RIN2: variants seen among roughly 807,000 people sequenced by gnomAD.
RIN2 encodes the protein Ras and Rab interactor 2, also known as RAB5 interacting protein 2.
RIN2 carries 36 observed loss-of-function variants against 78.0 expected under a neutral mutation model. That is an observed-to-expected ratio of 0.46 (90% CI 0.35 to 0.61). The LOEUF (loss-of-function observed/expected upper bound fraction) is 0.61, where lower values mean the gene tolerates loss of function less well. Among genes scored for constraint, RIN2 ranks in the 20% least tolerant of loss-of-function variants. The probability of loss-of-function intolerance (pLI) is 0.00; values close to 1 mark genes in which losing one functional copy is unlikely to be tolerated. For synonymous variants in RIN2, 466 were observed against 466.8 expected (o/e 1.00, Z 0.02); for missense variants, 1,087 against 1,159.7 (o/e 0.94, Z 0.91).
At chr20:19,776,572 A>C (rs2034317189) in intron 1 of RIN2, among the ~76,000 whole-genome samples, 1 of 151,984 alleles carries the variant, frequency 6.6e-6, no homozygotes, top group Admixed American at 6.6e-5. Flanking sequence ...TCTCTACTAA[A>C]AATGCAAAAG....
At chr20:19,931,061 C>T (rs990443339) in intron 3 of RIN2, among the ~76,000 whole-genome samples, 1 of 152,042 alleles carries the variant, frequency 6.6e-6, no homozygotes, top group African/African-American at 2.4e-5. Flanking sequence ...CCAGCCTGCA[C>T]AACATGGTGA....
At chr20:19,777,258 C>G (rs981024296) in intron 1 of RIN2, among the ~76,000 whole-genome samples, 3 of 152,206 alleles carry the variant, frequency 2.0e-5, no homozygotes, top group African/African-American at 7.2e-5. Flanking sequence ...GACTCCAAGT[C>G]CCTGAATCTC....
rs1411834849 is a variant in RIN2, at chr20:19,770,288, A to G, written c.-163+11961A>G. Among the ~76,000 whole-genome samples, 3 of 152,354 alleles carry G rather than the reference A, an allele frequency of 2.0e-5. No individual in the cohort carries two copies. The East Asian group carries it at 5.8e-4, about 29-fold the overall frequency. On this transcript the variant is annotated intron_variant, in intron 1 of 12. Transcript: ENST00000255006. Reference sequence around the variant, plus strand: ...GAAGGTTGACTGAGCTGAAGGAACTATGCAATTAAGGATTATTTAATTTAA... The same window carrying G: ...GAAGGTTGACTGAGCTGAAGGAACTGTGCAATTAAGGATTATTTAATTTAA...
At chr20:19,877,037 A>T (rs1369918041) in intron 2 of RIN2, among the ~76,000 whole-genome samples, 3 of 152,214 alleles carry the variant, frequency 2.0e-5, no homozygotes, top group Non-Finnish European at 4.4e-5. Flanking sequence ...AGTTTGGCCC[A>T]GTTTGCTTTA....
intron 2 of RIN2, among the ~76,000 whole-genome samples, chr20:19,802,778 C>T (rs1383207781): frequency 6.6e-6 from 1 of 152,144 alleles, no homozygotes; most frequent in Non-Finnish European, 1.5e-5. Flanking sequence ...TTTCATGGTA[C>T]ACCAAGGAGT....
intron 3 of RIN2, among the ~76,000 whole-genome samples, chr20:19,914,546 T>C (rs2039606288): frequency 6.6e-6 from 1 of 152,182 alleles, no homozygotes; most frequent in Admixed American, 6.5e-5. Flanking sequence ...TGTTAATCAA[T>C]TGCAAGAGCC....
At chr20:19,857,324 T>C (rs1008778211) in intron 2 of RIN2, among the ~76,000 whole-genome samples, 1 of 152,156 alleles carries the variant, frequency 6.6e-6, no homozygotes, top group African/African-American at 2.4e-5. Flanking sequence ...TCCTTTTTGT[T>C]CCTGGGTACT....
At chr20:19,912,048 T>C (rs531365779) in intron 3 of RIN2, among the ~76,000 whole-genome samples, 116 of 152,322 alleles carry the variant, frequency 7.6e-4, no homozygotes, top group Middle Eastern at 6.8e-3. Flanking sequence ...TCCTGTGGCC[T>C]CTTCTACCCA....
chr20:19,923,683 T>C (rs1028399840), intron 3 of RIN2, among the ~76,000 whole-genome samples: 5 of 152,080 alleles, frequency 3.3e-5, no homozygotes, highest in African/African-American at 9.7e-5. Context: ...ATTTACTAAT[T>C]AGAACTAAAA....
At position 19,915,784 on chromosome 20, in the gene RIN2, T is replaced by C. The variant is rs112018190; in HGVS notation, c.58-19315T>C. Reference sequence around the variant, plus strand: ...CTCTTCCTTCCCTAAACCAACTCTATGTGCTCAGAGGACACTGACAAGCTC... The same window carrying C: ...CTCTTCCTTCCCTAAACCAACTCTACGTGCTCAGAGGACACTGACAAGCTC... On this transcript the variant is annotated intron_variant, in intron 3 of 12. Transcript: ENST00000255006. Among the ~76,000 whole-genome samples the C allele has an allele frequency of 9.1e-3, 1,390 of 152,310 alleles. 25 individuals are homozygous for C. The highest frequency in any genetic ancestry group is 0.032 in the African/African-American group (1,310 of 41,552).
chr20:19,920,176 G>T (rs2039855951), intron 3 of RIN2, among the ~76,000 whole-genome samples: 1 of 151,798 alleles, frequency 6.6e-6, no homozygotes, highest in Non-Finnish European at 1.5e-5. Context: ...GGCGCCTATA[G>T]TCCCAGCTAC....
At chr20:19,838,664 T>C (rs528167210) in intron 2 of RIN2, among the ~76,000 whole-genome samples, 2 of 152,296 alleles carry the variant, frequency 1.3e-5, no homozygotes, top group Admixed American at 6.5e-5. Context: ...CTTTCCCGCA[T>C]GGCTACAGGA....
chr20:19,948,776 A>G (rs1443373827), intron 4 of RIN2, among the ~76,000 whole-genome samples: 1 of 151,648 alleles, frequency 6.6e-6, no homozygotes, highest in Admixed American at 6.6e-5. Context: ...GACAAAAGTG[A>G]TTGTCTTGAA....
chr20:19,825,196 C>A (rs970887306), intron 2 of RIN2, among the ~76,000 whole-genome samples: 24 of 152,324 alleles, frequency 1.6e-4, no homozygotes, highest in Middle Eastern at 6.8e-3. Flanking sequence ...TCCCTATATG[C>A]CTTGTGCATC....
At chr20:19,923,052 A>T (rs2039993179) in intron 3 of RIN2, among the ~76,000 whole-genome samples, 1 of 152,238 alleles carries the variant, frequency 6.6e-6, no homozygotes, top group African/African-American at 2.4e-5. Context: ...ACTCAAGGAC[A>T]CACTGCTTAG....
chr20:19,788,272 G>GA (rs1268596697), intron 1 of RIN2, among the ~76,000 whole-genome samples: 1 of 151,882 alleles, frequency 6.6e-6, no homozygotes, highest in Non-Finnish European at 1.5e-5. Context: ...ACTAAGGCAA[G>GA]AAAAAGAAAG....
chr20:19,941,836 C>T (rs868632898), intron 4 of RIN2, among the ~76,000 whole-genome samples: 2 of 152,000 alleles, frequency 1.3e-5, no homozygotes, highest in Admixed American at 6.6e-5. Flanking sequence ...ATATTTAAGC[C>T]GGGCAGGGTG....
At chr20:19,903,321 T>A (rs1418145537) in intron 3 of RIN2, among the ~76,000 whole-genome samples, 1 of 152,036 alleles carries the variant, frequency 6.6e-6, no homozygotes, top group Non-Finnish European at 1.5e-5. Context: ...AGGGGGCCAT[T>A]TCGTCGTTTT....
At chr20:19,770,326 T>C (rs2034062746) in intron 1 of RIN2, among the ~76,000 whole-genome samples, 1 of 152,218 alleles carries the variant, frequency 6.6e-6, no homozygotes, top group Non-Finnish European at 1.5e-5. Flanking sequence ...GGACTGCCTT[T>C]GAGGAAAACA....
Sources: gnomAD v4.1 joint callset for allele counts (sites outside exome capture counted in the v4.1 genomes callset) on GRCh38, gnomAD v4.1.1 for gene constraint, MANE v1.5 for transcripts, NCBI Gene and HGNC (gene_info 2026-07-23, HGNC 2026-07-21) for gene names.